Variants in GPC6 observed in about 807,000 individuals in gnomAD.
The protein encoded by GPC6 is glypican 6.
A neutral mutation model predicts 55.2 loss-of-function variants in GPC6; 14 were observed. The observed-to-expected ratio is 0.25, with a 90% CI of 0.17 to 0.40. The LOEUF (loss-of-function observed/expected upper bound fraction) is 0.40, where lower values mean the gene tolerates loss of function less well. Ranked by LOEUF, GPC6 falls within the 10% of genes least tolerant of loss-of-function variation. The probability of loss-of-function intolerance (pLI) is 1.00; values close to 1 mark genes in which losing one functional copy is unlikely to be tolerated. For synonymous variants in GPC6, 278 were observed against 259.6 expected, an observed-to-expected ratio of 1.07 and a Z score of -0.68; for missense variants, 641 against 708.5, an observed-to-expected ratio of 0.90 and a Z score of 1.08.
At chr13:93,239,828 G>A (rs78550316) in intron 1 of GPC6, among the ~76,000 whole-genome samples, 35 of 151,940 alleles carry the variant, frequency 2.3e-4, no homozygotes, top group African/African-American at 8.2e-4. Flanking sequence ...GATAACTTGT[G>A]TCACTGTCAT....
At chr13:93,631,007 C>T (rs1475031950) in intron 2 of GPC6, among the ~76,000 whole-genome samples, 1 of 152,144 alleles carries the variant, frequency 6.6e-6, no homozygotes, top group Non-Finnish European at 1.5e-5. Context: ...GAGGATACTG[C>T]ACACATACAG....
intron 1 of GPC6, among the ~76,000 whole-genome samples, chr13:93,403,050 C>T (rs1051064262): frequency 1.3e-5 from 2 of 152,082 alleles, no homozygotes; most frequent in Non-Finnish European, 2.9e-5. Flanking sequence ...AACCTAGGCA[C>T]ATTCTCAATG....
intron 3 of GPC6, among the ~76,000 whole-genome samples, chr13:93,905,070 A>G (rs1206268580): frequency 2.4e-5 from 3 of 123,434 alleles, no homozygotes; most frequent in African/African-American, 9.2e-5. Context: ...TTTTCTAAGC[A>G]TTCTCTCTTT....
At chr13:94,056,831 C>A (rs1190822592) in intron 4 of GPC6, among the ~76,000 whole-genome samples, 1 of 152,184 alleles carries the variant, frequency 6.6e-6, no homozygotes, top group African/African-American at 2.4e-5. Context: ...ATCAGCAATT[C>A]TTTTCACTTT....
In GPC6 at chr13:93,314,713, GT is replaced by G. The variant is rs1288456907; in HGVS notation, c.160+87098del. ...CTAATTAGATAGAAAACAAGGAGGG[GT>G]GTGTGTGTGTGTGTGTGTGTGTGTG... is the stretch of plus-strand genomic sequence containing the variant. On this transcript the variant is annotated intron_variant, in intron 1 of 8. Coordinates refer to ENST00000377047, the MANE Select transcript of GPC6 (RefSeq NM_005708.5). 8.8e-4 allele frequency among the ~76,000 whole-genome samples: 19 copies of G among 21,490 alleles called. No homozygotes were observed. The East Asian group carries it at 0.017, about 20-fold the overall frequency. The allele number at this position is 21,490 out of a possible 152,430, so 14.1% of individuals were successfully genotyped here. A position where few individuals can be genotyped will look rare whatever the true frequency, so the allele number is the denominator to read the frequency against.
intron 1 of GPC6, among the ~76,000 whole-genome samples, chr13:93,390,679 T>C (rs1357597115): frequency 6.6e-6 from 1 of 152,190 alleles, no homozygotes; most frequent in African/African-American, 2.4e-5. Context: ...AATCCTTTTT[T>C]TCCCCAGAAG....
chr13:93,766,223 A>C (rs1363703331), intron 2 of GPC6, among the ~76,000 whole-genome samples: 1 of 152,204 alleles, frequency 6.6e-6, no homozygotes, highest in Admixed American at 6.5e-5. Context: ...TGCCGTTTTT[A>C]ATGAAATTAT....
chr13:94,017,399 G>A (rs559219261), intron 3 of GPC6, among the ~76,000 whole-genome samples: 8 of 152,238 alleles, frequency 5.3e-5, no homozygotes, highest in African/African-American at 1.9e-4. Context: ...ATGGCAGAAG[G>A]CAAAAGAGAA....
At chr13:94,069,873 A>T (rs1594711425) in intron 4 of GPC6, among the ~76,000 whole-genome samples, 1 of 152,182 alleles carries the variant, frequency 6.6e-6, no homozygotes, top group Non-Finnish European at 1.5e-5. Context: ...AGGGAGTTCC[A>T]AACTTTCCCA....
At chr13:93,554,512 T>G (rs548680137) in intron 2 of GPC6, among the ~76,000 whole-genome samples, 1 of 152,204 alleles carries the variant, frequency 6.6e-6, no homozygotes, top group African/African-American at 2.4e-5. Flanking sequence ...GTAAGCCATA[T>G]GGACATCAAA....
intron 3 of GPC6, among the ~76,000 whole-genome samples, chr13:93,953,924 A>C (rs1409994907): frequency 6.6e-6 from 1 of 152,166 alleles, no homozygotes; most frequent in Non-Finnish European, 1.5e-5. Context: ...ACATCACATA[A>C]AATTCACTGT....
chr13:93,300,206 A>G (rs949275847), intron 1 of GPC6, among the ~76,000 whole-genome samples: 1 of 152,228 alleles, frequency 6.6e-6, no homozygotes, highest in African/African-American at 2.4e-5. Flanking sequence ...AAAGCTGTTT[A>G]GTGAAATCCT....
rs59848535 is a variant in GPC6 at position 93,573,391 on chromosome 13, C to T, written c.319+27970C>T. Among the ~76,000 whole-genome samples the T allele has an allele frequency of 9.9e-4, 150 of 152,026 alleles. 1 individual carries two copies. Among genetic ancestry groups the T allele is most frequent in the African/African-American group, 3.6e-3 (148 of 41,494 alleles). On this transcript the variant is annotated intron_variant, in intron 2 of 8. Coordinates refer to ENST00000377047, the MANE Select transcript of GPC6 (RefSeq NM_005708.5). ...AATAGATTTATTTAGCAACTTTTAG[C>T]AATGGTTGTATTTGTAGACTGTATG... is the stretch of plus-strand genomic sequence containing the variant.
upstream of GPC6, among the ~76,000 whole-genome samples, chr13:93,225,675 G>A (rs1173427991): frequency 1.3e-5 from 2 of 152,066 alleles, no homozygotes; most frequent in African/African-American, 2.4e-5. Context: ...ATTAAAGAGA[G>A]GAAGACAATG....
At chr13:93,731,921 T>C (rs1883838411) in intron 2 of GPC6, among the ~76,000 whole-genome samples, 1 of 152,144 alleles carries the variant, frequency 6.6e-6, no homozygotes, top group Admixed American at 6.6e-5. Flanking sequence ...TGACTTAGGG[T>C]GTGAAATGCT....
chr13:93,614,640 A>G (rs1265208504), intron 2 of GPC6, among the ~76,000 whole-genome samples: 1 of 152,220 alleles, frequency 6.6e-6, no homozygotes. Flanking sequence ...CTAAAACAGT[A>G]TAGTATTATC....
At chr13:94,126,318 G>C (rs1050247516) in intron 4 of GPC6, among the ~76,000 whole-genome samples, 2 of 152,170 alleles carry the variant, frequency 1.3e-5, no homozygotes, top group African/African-American at 4.8e-5. Flanking sequence ...AGGAGTTTGA[G>C]GCTGCAGTGA....
At chr13:93,430,341 A>G (rs1246413319) in intron 1 of GPC6, among the ~76,000 whole-genome samples, 1 of 152,138 alleles carries the variant, frequency 6.6e-6, no homozygotes, top group Non-Finnish European at 1.5e-5. Flanking sequence ...GAGCATTAGC[A>G]TGATATTAGT....
chr13:93,912,916 T>C lies in GPC6; in HGVS notation c.711+82371T>C, dbSNP rs368132494. ...TTCCTTGGCTTTGTAGTTGTATCAC[T>C]TTAGTCTCTACCTCAGTCCTCACAG... On this transcript the variant is annotated intron_variant, in intron 3 of 8. Coordinates refer to ENST00000377047, the MANE Select transcript of GPC6 (RefSeq NM_005708.5). Among the ~76,000 whole-genome samples the C allele has an allele frequency of 1.5e-4, 23 of 152,268 alleles. No individual in the cohort carries two copies. The East Asian group carries it at 2.9e-3, about 19-fold the overall frequency.
Sources: gnomAD v4.1 joint callset for allele counts (sites outside exome capture counted in the v4.1 genomes callset) on GRCh38, gnomAD v4.1.1 for gene constraint, MANE v1.5 for transcripts, NCBI Gene and HGNC (gene_info 2026-07-23, HGNC 2026-07-21) for gene names.